Variants in XRN1 observed in about 807,000 individuals in gnomAD.
The protein encoded by XRN1 is strand-exchange protein 1 homolog.
In XRN1, 67 loss-of-function variants were observed where a neutral mutation model predicts 222.3. The ratio of observed to expected loss-of-function variants is 0.30; its 90% CI spans 0.25 to 0.37. The LOEUF (loss-of-function observed/expected upper bound fraction) is 0.37. XRN1 is among the 10% of genes least tolerant of loss of function. XRN1 has a pLI of 1.00. For missense variants in XRN1, 1,707 were observed against 2,000.2 expected (o/e 0.85, Z 2.80); for synonymous variants, 643 against 652.4 (o/e 0.99, Z 0.22).
At chr3:142,341,256 G>T (rs536855838) in intron 33 of XRN1, among the ~76,000 whole-genome samples, 100 of 152,122 alleles carry the variant, frequency 6.6e-4, no homozygotes, top group Non-Finnish European at 1.3e-3. Context: ...AAGAGAATTT[G>T]CAAGACTCAT....
Position 142,414,367 on chromosome 3 carries a change from A to G in XRN1, c.1437-76T>C, listed in dbSNP as rs190980098. On this transcript the variant is annotated intron_variant, in intron 13 of 40. Coordinates refer to ENST00000392981, the MANE Select transcript of XRN1 (RefSeq NM_001282857.2). Reference sequence around the variant, plus strand: ...TAATAATAAACATATACTTTTCCCCATATTTTAACAACATATAAAAATAAT... The same window carrying G: ...TAATAATAAACATATACTTTTCCCCGTATTTTAACAACATATAAAAATAAT... 1,029 of 1,106,730 alleles carry G rather than the reference A, an allele frequency of 9.3e-4. 12 individuals are homozygous for G. The African/African-American group carries it at 0.015, about 17-fold the overall frequency. 68.6% of individuals were successfully genotyped at this position (1,106,730 alleles called of 1,614,324 possible).
intron 17 of XRN1, 47 bp from the exon 18 acceptor site, chr3:142,403,819 C>T (rs1323203430): frequency 1.9e-6 from 3 of 1,610,406 alleles, no homozygotes; most frequent in East Asian, 4.5e-5. Flanking sequence ...TCTCCATAAT[C>T]ACTTCACACT....
At chr3:142,384,479 A>C in intron 21 of XRN1, 44 bp downstream of exon 21, 1 of 1,504,262 alleles carries the variant, frequency 6.6e-7, no homozygotes. Context: ...ATAGTGTATT[A>C]ATAGTGTATA....
chr3:142,363,102 GTTAT>G (rs1394927345), intron 29 of XRN1, among the ~76,000 whole-genome samples: 6 of 152,018 alleles, frequency 3.9e-5, no homozygotes, highest in Admixed American at 2.6e-4. Flanking sequence ...CTCTCTATGT[GTTAT>G]TTAAGATATC....
At chr3:142,416,317 G>A (rs910123271) in intron 13 of XRN1, among the ~76,000 whole-genome samples, 14 of 152,012 alleles carry the variant, frequency 9.2e-5, no homozygotes, top group African/African-American at 3.1e-4. Flanking sequence ...CAAGTAGCTG[G>A]GACTACAGAG....
intron 20 of XRN1, among the ~76,000 whole-genome samples, chr3:142,394,084 C>T (rs1353758258): frequency 6.6e-6 from 1 of 152,182 alleles, no homozygotes; most frequent in Non-Finnish European, 1.5e-5. Flanking sequence ...ATCTTGGCCT[C>T]CCAAAGTGCT....
In XRN1 at chr3:142,403,762, T is replaced by C. The variant is rs751285138; in HGVS notation, c.2015A>G (p.Lys672Arg). The part of the protein sequence containing the change: ...LKHIRHKFFL[K>R]KSGVQVFQQS... ...CTGGAATACTTGAACACCACTTTTC[T>C]TCAAAAAAAACTTTAAAAGAATTCA... Residue 672 changes from lysine to arginine, a missense_variant, in exon 18 of 41, where the codon AAG (lysine) becomes AGG (arginine). Transcript: ENST00000392981. The C allele has an allele frequency of 6.2e-6, 10 of 1,612,720 alleles. No individual in the cohort carries two copies. In the Admixed American group the frequency reaches 1.7e-4, roughly 27 times the overall value.
rs1387196907 is a variant in XRN1, at chr3:142,310,514, T to C, written c.*997A>G. The C allele has an allele frequency of 2.0e-5, 3 of 152,636 alleles. No homozygotes were observed. The highest frequency in any genetic ancestry group is 4.2e-4 in the South Asian group (2 of 4,816). 9.5% of individuals were successfully genotyped at this position (152,636 alleles called of 1,614,324 possible). ...TCAGAATGAAATAGGCAGTAAATAA[T>C]GTATGTCACAAACTGATGACTGTGC... On this transcript the variant is annotated 3_prime_UTR_variant, in exon 41 of 41. Transcript: ENST00000392981.
chr3:142,361,953 C>CTT (rs2066646984), intron 29 of XRN1, among the ~76,000 whole-genome samples: 1 of 77,162 alleles, frequency 1.3e-5, no homozygotes, highest in African/African-American at 5.0e-5. Context: ...TGTTTCTTTT[C>CTT]TTTTTCTCTC....
intron 33 of XRN1, among the ~76,000 whole-genome samples, chr3:142,344,021 G>C (rs991052047): frequency 1.3e-5 from 2 of 150,608 alleles, no homozygotes; most frequent in Non-Finnish European, 3.0e-5. Context: ...TTTATTTGTG[G>C]GAGCTAAAAA....
At chr3:142,391,384 T>C (rs1016920920) in intron 20 of XRN1, among the ~76,000 whole-genome samples, 4 of 152,170 alleles carry the variant, frequency 2.6e-5, no homozygotes, top group Admixed American at 2.0e-4. Context: ...CCATTTACTT[T>C]TTCTTTTACT....
chr3:142,363,184 T>C (rs2066702596), intron 29 of XRN1, among the ~76,000 whole-genome samples: 1 of 152,184 alleles, frequency 6.6e-6, no homozygotes, highest in Non-Finnish European at 1.5e-5. Context: ...TACATTTATG[T>C]CTTCAATTCA....
At chr3:142,366,971 G>A (rs750629933) in intron 27 of XRN1, among the ~76,000 whole-genome samples, 1 of 152,118 alleles carries the variant, frequency 6.6e-6, no homozygotes, top group East Asian at 1.9e-4. Context: ...TTCAAAATAT[G>A]ATCACCTAAG....
intron 6 of XRN1, 118 bp from the exon 7 acceptor site, chr3:142,423,040 G>A (rs2069104110): frequency 2.7e-6 from 2 of 750,904 alleles, no homozygotes; most frequent in Non-Finnish European, 4.4e-6. Flanking sequence ...TTGTAATTAA[G>A]GCATACAATT....
chr3:142,424,028 T>C (rs1367406521), intron 5 of XRN1, among the ~76,000 whole-genome samples: 1 of 150,906 alleles, frequency 6.6e-6, no homozygotes, highest in East Asian at 1.9e-4. Flanking sequence ...GAGACCAGGA[T>C]AGCCCCAGTA....
intron 33 of XRN1, 144 bp downstream of exon 33, chr3:142,347,090 T>C (rs994788334): frequency 4.8e-6 from 3 of 621,946 alleles, no homozygotes; most frequent in African/African-American, 3.9e-5. Flanking sequence ...GGTTATACAA[T>C]TTTGTGAAAA....
chr3:142,325,847 G>A (rs1199593684), intron 37 of XRN1, among the ~76,000 whole-genome samples: 2 of 152,090 alleles, frequency 1.3e-5, no homozygotes, highest in Non-Finnish European at 2.9e-5. Flanking sequence ...TTTGAAAATG[G>A]TGAGAGATAA....
At chr3:142,385,750 G>A (rs1285189581) in intron 20 of XRN1, among the ~76,000 whole-genome samples, 1 of 151,804 alleles carries the variant, frequency 6.6e-6, no homozygotes, top group Non-Finnish European at 1.5e-5. Flanking sequence ...ACTCCTAATA[G>A]ATAGATATTA....
Position 142,357,102 on chromosome 3 carries a change from C to G in XRN1, c.3482G>C (p.Gly1161Ala). The G allele has an allele frequency of 2.5e-6, 4 of 1,611,898 alleles. No individual in the cohort carries two copies. The highest frequency in any genetic ancestry group is 3.4e-6 in the Non-Finnish European group (4 of 1,179,006). ...CAAGGCACTTGTTGGCAGTCGATAA[C>G]CTCTACCAGGTGAGCATCTAAAAGT... ...GLTIRCSPGR[G>A]YRLPTSALVN... Residue 1161 changes from glycine (G) to alanine (A), a missense_variant, in exon 31 of 41, where the codon GGT becomes GCT. Gly to Ala is a moderately conservative substitution (Grantham distance 60, BLOSUM62 0). Transcript: ENST00000392981.
Sources: gnomAD v4.1 joint callset for allele counts (sites outside exome capture counted in the v4.1 genomes callset) on GRCh38, gnomAD v4.1.1 for gene constraint, MANE v1.5 for transcripts, NCBI Gene and HGNC (gene_info 2026-07-23, HGNC 2026-07-21) for gene names.